The following MMRN1 variants were observed in gnomAD, a reference collection of about 807,000 sequenced individuals.
MMRN1 encodes multimerin 1.
A neutral mutation model predicts 100.7 loss-of-function variants in MMRN1; 94 were observed. That is an observed-to-expected ratio of 0.93 (90% CI 0.79 to 1.11). The LOEUF (loss-of-function observed/expected upper bound fraction) is 1.11. MMRN1 is among the 50% of genes least tolerant of loss of function. The pLI, the probability that MMRN1 is intolerant of heterozygous loss-of-function variation, is 0.00. For synonymous variants in MMRN1, 575 were observed against 505.0 expected, an observed-to-expected ratio of 1.14 and a Z score of -1.86; for missense variants, 1,606 against 1,439.1, an observed-to-expected ratio of 1.12 and a Z score of -1.88.
intron 1 of MMRN1, among the ~76,000 whole-genome samples, chr4:89,905,939 C>T (rs1444138427): frequency 6.6e-6 from 1 of 151,486 alleles, no homozygotes; most frequent in African/African-American, 2.4e-5. Context: ...AGATGACAAG[C>T]AATCTATTCA....
intron 6 of MMRN1, among the ~76,000 whole-genome samples, chr4:89,937,551 G>A (rs938528890): frequency 2.6e-5 from 4 of 152,190 alleles, no homozygotes; most frequent in African/African-American, 9.6e-5. Context: ...CTTGATTCTG[G>A]TCCTAGATGT....
intron 6 of MMRN1, among the ~76,000 whole-genome samples, chr4:89,937,792 G>A (rs761279242): frequency 1.3e-5 from 2 of 152,036 alleles, no homozygotes; most frequent in Non-Finnish European, 2.9e-5. Flanking sequence ...TTGAATTTGG[G>A]AAATGACAGA....
intron 3 of MMRN1, among the ~76,000 whole-genome samples, chr4:89,916,381 C>A (rs3775472): frequency 0.1 from 13,927 of 135,920 alleles, 946 homozygotes; most frequent in East Asian, 0.28. Flanking sequence ...AAAAAACAAA[C>A]AAACAAACAA....
intron 5 of MMRN1, among the ~76,000 whole-genome samples, chr4:89,929,421 A>G (rs971599558): frequency 1.3e-5 from 2 of 152,146 alleles, no homozygotes; most frequent in African/African-American, 4.8e-5. Flanking sequence ...CCTGTCCTAC[A>G]TATCTGGTAT....
At chr4:89,886,636 C>T (rs946710227) in intron 1 of MMRN1, among the ~76,000 whole-genome samples, 2 of 152,114 alleles carry the variant, frequency 1.3e-5, no homozygotes, top group African/African-American at 4.8e-5. Flanking sequence ...ATGTTAATAT[C>T]TCTGACTATG....
chr4:89,893,600 G>A (rs1721103503), upstream of MMRN1, among the ~76,000 whole-genome samples: 2 of 152,090 alleles, frequency 1.3e-5, no homozygotes, highest in African/African-American at 2.4e-5. Context: ...TATTTAGCAA[G>A]AGCATAATGC....
rs2110578084 is a variant in MMRN1, at chr4:89,894,936, A to T, written c.-36A>T. The T allele has an allele frequency of 5.7e-6, 9 of 1,567,974 alleles. No individual in the cohort carries two copies. The South Asian group carries it at 1.1e-4, about 19-fold the overall frequency. On this transcript the variant is annotated 5_prime_UTR_variant, in exon 1 of 8. Coordinates refer to ENST00000264790, the MANE Select transcript of MMRN1 (RefSeq NM_007351.3). Reference sequence around the variant, plus strand: ...AAAGGCCATAAGGATTTTGTCCCCAAATTTCACATGAGCTACCTTGCTTCA... The same window carrying T: ...AAAGGCCATAAGGATTTTGTCCCCATATTTCACATGAGCTACCTTGCTTCA...
At position 89,895,492 on chromosome 4, in the gene MMRN1, TG is replaced by T. The variant is rs1456805063; in HGVS notation, c.524del (p.Gly175GlufsTer48). 1 of 1,613,600 alleles carries T rather than the reference TG, an allele frequency of 6.2e-7. No homozygotes were observed. The highest frequency in any genetic ancestry group is 1.3e-5 in the African/African-American group (1 of 74,868). ...GGAGGCGTTGGAGGCACTGGAGGCG[TG>T]GGAAATCGAGCCCCACGGGAAACAT... is the stretch of plus-strand genomic sequence containing the variant. The part of the protein sequence containing the change: ...GIGGVGGTGG[V>X]GNRAPRETYL... On this transcript the variant is annotated frameshift_variant, in exon 1 of 8. Coordinates refer to ENST00000264790, the MANE Select transcript of MMRN1 (RefSeq NM_007351.3). LOFTEE classifies it high-confidence loss of function.
chr4:89,887,040 A>C (rs57925841), intron 1 of MMRN1, among the ~76,000 whole-genome samples: 18,937 of 152,048 alleles, frequency 0.12, 2,331 homozygotes, highest in East Asian at 0.32. Context: ...GTGATAACCA[A>C]AATTCTACTC....
chr4:89,927,013 T>C (rs182078475), intron 4 of MMRN1, among the ~76,000 whole-genome samples: 1 of 152,278 alleles, frequency 6.6e-6, no homozygotes, highest in East Asian at 1.9e-4. Context: ...TACCATACTG[T>C]TTTGGTTACT....
intron 6 of MMRN1, among the ~76,000 whole-genome samples, chr4:89,943,171 T>C (rs1213482662): frequency 6.6e-6 from 1 of 152,164 alleles, no homozygotes; most frequent in Non-Finnish European, 1.5e-5. Flanking sequence ...GACGTTAGCA[T>C]ATGATTGCAT....
chr4:89,915,428 T>C (rs1001975112), intron 3 of MMRN1, among the ~76,000 whole-genome samples: 6 of 151,608 alleles, frequency 4.0e-5, no homozygotes, highest in Non-Finnish European at 8.9e-5. Context: ...TCACTTGATA[T>C]TGAGGGATCA....
intron 1 of MMRN1, among the ~76,000 whole-genome samples, chr4:89,896,111 G>A (rs1211463203): frequency 6.6e-6 from 1 of 152,134 alleles, no homozygotes; most frequent in Non-Finnish European, 1.5e-5. Context: ...CAACTCAGTT[G>A]ATGTCTGTGA....
chr4:89,942,770 G>T (rs1479440010), intron 6 of MMRN1, among the ~76,000 whole-genome samples: 1 of 151,972 alleles, frequency 6.6e-6, no homozygotes, highest in Non-Finnish European at 1.5e-5. Context: ...ATGACACAGT[G>T]TTTGGAGAAA....
chr4:89,944,486 CTT>C (rs1027672897), intron 6 of MMRN1, among the ~76,000 whole-genome samples: 2 of 152,140 alleles, frequency 1.3e-5, no homozygotes, highest in African/African-American at 4.8e-5. Context: ...AAATATGAGA[CTT>C]TTAACAGACA....
At chr4:89,950,704 C>T (rs767594311) in intron 6 of MMRN1, among the ~76,000 whole-genome samples, 2 of 151,664 alleles carry the variant, frequency 1.3e-5, no homozygotes, top group African/African-American at 2.4e-5. Context: ...AAGTGAAGAC[C>T]ATTTTCTTAT....
intron 4 of MMRN1, among the ~76,000 whole-genome samples, chr4:89,924,221 C>T (rs1327599403): frequency 6.6e-6 from 1 of 152,074 alleles, no homozygotes. Context: ...AGAAGATGAG[C>T]CATCAGCTCT....
At chr4:89,928,628 G>T (rs1722340686) in intron 5 of MMRN1, among the ~76,000 whole-genome samples, 1 of 152,066 alleles carries the variant, frequency 6.6e-6, no homozygotes, top group South Asian at 2.1e-4. Context: ...TAGGACTGAG[G>T]TCTCTGTTTT....
chr4:89,949,980 G>A (rs1224213938), intron 6 of MMRN1, among the ~76,000 whole-genome samples: 1 of 152,160 alleles, frequency 6.6e-6, no homozygotes, highest in East Asian at 1.9e-4. Context: ...CCATAAGGTG[G>A]CACCAGAGTA....
Sources: allele counts gnomAD v4.1 joint callset (sites outside exome capture counted in the v4.1 genomes callset), GRCh38; gene constraint gnomAD v4.1.1; transcripts MANE v1.5; gene names NCBI Gene and HGNC (gene_info 2026-07-23, HGNC 2026-07-21).